Variants in CHRDL2 observed in about 807,000 individuals in gnomAD.
CHRDL2 encodes chordin like 2, also known as chordin-like protein 2.
In CHRDL2, 41 loss-of-function variants were observed where a neutral mutation model predicts 54.3. That is an observed-to-expected ratio of 0.76 (90% CI 0.59 to 0.98). The LOEUF (loss-of-function observed/expected upper bound fraction) is 0.98. CHRDL2 is among the 50% of genes least tolerant of loss of function. The probability of loss-of-function intolerance (pLI) is 0.00; values close to 1 mark genes in which losing one functional copy is unlikely to be tolerated. For synonymous variants in CHRDL2, 220 were observed against 224.3 expected, an observed-to-expected ratio of 0.98 and a Z score of 0.17; for missense variants, 518 against 562.4, an observed-to-expected ratio of 0.92 and a Z score of 0.80.
chr11:74,702,711 T>C (rs973640487), intron 9 of CHRDL2, 83 bp downstream of exon 9: 187 of 1,462,624 alleles, frequency 1.3e-4, no homozygotes, highest in Non-Finnish European at 1.6e-4. Flanking sequence ...CAGCAAAACG[T>C]CCCTAAGGCC....
intron 2 of CHRDL2, among the ~76,000 whole-genome samples, chr11:74,715,208 C>G (rs1021859430): frequency 3.9e-5 from 6 of 152,218 alleles, no homozygotes; most frequent in African/African-American, 1.4e-4. Flanking sequence ...TGCAGGTCTA[C>G]TGGGTGCCAG....
chr11:74,701,426 A>G (rs1051505987), intron 9 of CHRDL2: 6 of 538,562 alleles, frequency 1.1e-5, no homozygotes, highest in Non-Finnish European at 1.7e-5. Flanking sequence ...ACAGCCCTTC[A>G]GAGCCACGAA....
At chr11:74,724,783 G>A (rs1159829489) in intron 1 of CHRDL2, among the ~76,000 whole-genome samples, 2 of 152,204 alleles carry the variant, frequency 1.3e-5, no homozygotes, top group Non-Finnish European at 2.9e-5. Context: ...AAATGGATTA[G>A]AGGTACTTCT....
chr11:74,701,452 C>T, intron 9 of CHRDL2: 1 of 576,294 alleles, frequency 1.7e-6, no homozygotes, highest in Non-Finnish European at 3.2e-6. Flanking sequence ...CAGTCCTGTC[C>T]CCCTGAGTCT....
chr11:74,697,071 T>C, intron 10 of CHRDL2, 134 bp downstream of exon 10: 1 of 655,100 alleles, frequency 1.5e-6, no homozygotes, highest in South Asian at 1.8e-5. Flanking sequence ...GCTGGATTCC[T>C]GTGCTGGGAA....
At chr11:74,702,088 T>G (rs1241763600) in intron 9 of CHRDL2, among the ~76,000 whole-genome samples, 3 of 151,676 alleles carry the variant, frequency 2.0e-5, no homozygotes, top group African/African-American at 7.3e-5. Context: ...ACCCCATCTC[T>G]ACAAAAAAAA....
chr11:74,715,369 C>T (rs1397941280), intron 2 of CHRDL2, among the ~76,000 whole-genome samples: 1 of 152,006 alleles, frequency 6.6e-6, no homozygotes, highest in Non-Finnish European at 1.5e-5. Context: ...TTTGGGAGGC[C>T]GAGGTGGGAG....
intron 4 of CHRDL2, among the ~76,000 whole-genome samples, chr11:74,709,439 C>T (rs2034115184): frequency 6.6e-6 from 1 of 152,202 alleles, no homozygotes; most frequent in Admixed American, 6.5e-5. Flanking sequence ...ATCTGGAAAA[C>T]AGAAATAGTG....
intron 1 of CHRDL2, among the ~76,000 whole-genome samples, chr11:74,728,918 A>G (rs1194223069): frequency 6.6e-6 from 1 of 152,140 alleles, no homozygotes; most frequent in East Asian, 1.9e-4. Flanking sequence ...CTGTATTTAC[A>G]AGGCTGTAGG....
chr11:74,703,224 C>T (rs2033888203), intron 8 of CHRDL2, 81 bp downstream of exon 8: 2 of 1,475,274 alleles, frequency 1.4e-6, no homozygotes, highest in East Asian at 4.6e-5. Context: ...CTGAGATGCT[C>T]CAAGTGTCTG....
At chr11:74,723,058 G>A (rs936057729) in intron 1 of CHRDL2, among the ~76,000 whole-genome samples, 1 of 152,166 alleles carries the variant, frequency 6.6e-6, no homozygotes, top group African/African-American at 2.4e-5. Context: ...CTGGAGGCAG[G>A]GAGACCAGGG....
chr11:74,702,875 T>C lies in CHRDL2; in HGVS notation c.1039A>G (p.Ser347Gly). The C allele has an allele frequency of 6.2e-7, 1 of 1,614,198 alleles. No homozygotes were observed. Among genetic ancestry groups the C allele is most frequent in the Non-Finnish European group, 8.5e-7 (1 of 1,180,024 alleles). Residue 347 changes from serine (S) to glycine (G), a missense_variant, in exon 9 of 11, where the codon AGC becomes GGC. Transcript: ENST00000376332. ...GCAAAGCGACGCAGGTTGTCTGGGC[T>C]TGGGGATACCGATGTGTGGACGAGG... Reference protein sequence around the residue: ...RVLVHTSVSPSPDNLRRFALE... With the variant: ...RVLVHTSVSPGPDNLRRFALE...
intron 9 of CHRDL2, chr11:74,699,210 C>T (rs1463980179): frequency 6.6e-6 from 1 of 152,316 alleles, no homozygotes; most frequent in Admixed American, 6.5e-5. Flanking sequence ...TCCCGAGTTA[C>T]AGAAAAATTG....
chr11:74,720,830 G>A (rs1473080937), intron 1 of CHRDL2, among the ~76,000 whole-genome samples: 2 of 152,154 alleles, frequency 1.3e-5, no homozygotes, highest in African/African-American at 4.8e-5. Flanking sequence ...GGAGCTCATG[G>A]GCCATTCCTA....
At chr11:74,724,863 G>A (rs970643671) in intron 1 of CHRDL2, among the ~76,000 whole-genome samples, 57 of 152,172 alleles carry the variant, frequency 3.7e-4, no homozygotes, top group African/African-American at 1.3e-3. Flanking sequence ...ATTAAATTTT[G>A]TGCTCAAGGT....
At chr11:74,723,914 A>G (rs895022007) in intron 1 of CHRDL2, among the ~76,000 whole-genome samples, 1 of 152,186 alleles carries the variant, frequency 6.6e-6, no homozygotes, top group East Asian at 1.9e-4. Flanking sequence ...AATTGAAACC[A>G]TGAATACTGG....
intron 5 of CHRDL2, among the ~76,000 whole-genome samples, chr11:74,707,251 G>C (rs2034040157): frequency 6.6e-6 from 1 of 152,234 alleles, no homozygotes; most frequent in African/African-American, 2.4e-5. Flanking sequence ...GAGAAGGGAA[G>C]GAATTTATGG....
chr11:74,710,890 G>A lies in CHRDL2; in HGVS notation c.391C>T (p.Pro131Ser), dbSNP rs1002459032. ...ACACACTGGTTGGGCAGGCGGGAGG[G>A]GAACAGCTCATGGGCACTGAAGATC... ...GEIFSAHELF[P>S]SRLPNQCVLC... is the part of the protein sequence containing the mutation. Residue 131 changes from proline (P) to serine (S), a missense_variant, in exon 4 of 11, where the codon CCC (proline) becomes TCC (serine). Transcript: ENST00000376332. The A allele has an allele frequency of 6.2e-7, 1 of 1,614,092 alleles. No homozygotes were observed. The highest frequency in any genetic ancestry group is 8.5e-7 in the Non-Finnish European group (1 of 1,179,996).
chr11:74,701,365 G>A (rs183840730), intron 9 of CHRDL2: 10 of 424,600 alleles, frequency 2.4e-5, no homozygotes, highest in Admixed American at 4.0e-5. Context: ...GCCCCTGCTT[G>A]TTGTTTGACT....
Sources: allele counts gnomAD v4.1 joint callset (sites outside exome capture counted in the v4.1 genomes callset), GRCh38; gene constraint gnomAD v4.1.1; transcripts MANE v1.5; gene names NCBI Gene and HGNC (gene_info 2026-07-23, HGNC 2026-07-21).